DSCAM: variants seen among roughly 807,000 people sequenced by gnomAD.
DSCAM encodes DS cell adhesion molecule, also known as cell adhesion molecule DSCAM.
Under a neutral mutation model 217.7 loss-of-function variants are expected in DSCAM, and 47 were observed. That is an observed-to-expected ratio of 0.22 (90% CI 0.17 to 0.28). DSCAM has a LOEUF of 0.28. Among genes scored for constraint, DSCAM ranks in the 10% least tolerant of loss-of-function variants. The pLI is 1.00. For synonymous variants in DSCAM, 1,056 were observed against 1,015.3 expected, an observed-to-expected ratio of 1.04 and a Z score of -0.76; for missense variants, 2,080 against 2,618.3, an observed-to-expected ratio of 0.79 and a Z score of 4.49.
chr21:40,156,270 T>A (rs2090475259), intron 16 of DSCAM, among the ~76,000 whole-genome samples: 1 of 124,600 alleles, frequency 8.0e-6, no homozygotes. Flanking sequence ...GTGGAAGCTG[T>A]GACAGTCAAA....
At chr21:40,293,899 G>C (rs1555900229) in intron 10 of DSCAM, among the ~76,000 whole-genome samples, 3 of 152,146 alleles carry the variant, frequency 2.0e-5, no homozygotes, top group Non-Finnish European at 4.4e-5. Flanking sequence ...GTTGACTGAA[G>C]AAAGATTATA....
In DSCAM at chr21:40,446,242, T is replaced by C. The variant is rs149017458; in HGVS notation, c.509-76997A>G. On this transcript the variant is annotated intron_variant, in intron 3 of 32. Coordinates refer to ENST00000400454, the MANE Select transcript of DSCAM (RefSeq NM_001389.5). ...GTGTTCCTGAAAGATTATTACATAG[T>C]CCAAATAATGGATACTGATGGTCAT... Among the ~76,000 whole-genome samples the C allele has an allele frequency of 2.3e-3, 354 of 152,302 alleles. 2 individuals carry two copies. Among genetic ancestry groups the C allele is most frequent in the African/African-American group, 8.2e-3 (342 of 41,558 alleles).
intron 1 of DSCAM, among the ~76,000 whole-genome samples, chr21:40,769,744 T>C (rs2091428232): frequency 6.6e-6 from 1 of 152,180 alleles, no homozygotes; most frequent in South Asian, 2.1e-4. Context: ...TCCTGCTTAG[T>C]TTGGCTATCC....
chr21:40,544,225 C>G (rs1294349764), intron 3 of DSCAM, among the ~76,000 whole-genome samples: 1 of 152,118 alleles, frequency 6.6e-6, no homozygotes, highest in East Asian at 1.9e-4. Context: ...CGGAGTAGAA[C>G]AGGAATTATG....
chr21:40,322,681 C>T (rs948224278), intron 8 of DSCAM, among the ~76,000 whole-genome samples: 13 of 152,162 alleles, frequency 8.5e-5, no homozygotes, highest in Admixed American at 8.5e-4. Flanking sequence ...CCCGCCATTA[C>T]ACCTGGCTAA....
intron 11 of DSCAM, among the ~76,000 whole-genome samples, chr21:40,257,031 T>C (rs1038397608): frequency 2.0e-5 from 3 of 152,230 alleles, no homozygotes; most frequent in African/African-American, 4.8e-5. Context: ...ACTTTACTAC[T>C]ATGATGTGAA....
At chr21:40,327,995 G>A (rs1289326804) in intron 8 of DSCAM, among the ~76,000 whole-genome samples, 2 of 152,068 alleles carry the variant, frequency 1.3e-5, no homozygotes, top group Non-Finnish European at 2.9e-5. Flanking sequence ...AGTTGAGAAA[G>A]ACAGAAATAA....
Position 40,012,673 on chromosome 21 carries a change from C to T in DSCAM, c.*361G>A. ...TTTAAATTCACAAATAGGCTGATTT[C>T]CCACCCACCCTGTTTTCTTTCTTGC... On this transcript the variant is annotated 3_prime_UTR_variant, in exon 33 of 33. Coordinates refer to ENST00000400454, the MANE Select transcript of DSCAM (RefSeq NM_001389.5). The T allele has an allele frequency of 6.3e-6, 1 of 158,570 alleles. No individual in the cohort carries two copies. The highest frequency in any genetic ancestry group is 1.4e-5 in the Non-Finnish European group (1 of 72,398). The allele number at this position is 158,570 out of a possible 1,614,324, so 9.8% of individuals were successfully genotyped here. A position where few individuals can be genotyped will look rare whatever the true frequency, so the allele number is the denominator to read the frequency against.
rs1020265225 is a variant in DSCAM, at chr21:40,261,587, G to A, written c.2356+14510C>T. ...TGGAATTACACATTGGCTTTCCTGG[G>A]ACTTCTTAGCATCCATAATCATGTG... On this transcript the variant is annotated intron_variant, in intron 11 of 32. Transcript: ENST00000400454. 3.7e-4 allele frequency among the ~76,000 whole-genome samples: 56 copies of A among 151,422 alleles called. 1 individual carries two copies. The highest frequency in any genetic ancestry group is 1.2e-3 in the African/African-American group (50 of 41,094).
intron 3 of DSCAM, among the ~76,000 whole-genome samples, chr21:40,472,418 T>G (rs1041923167): frequency 1.8e-4 from 28 of 152,224 alleles, no homozygotes; most frequent in African/African-American, 6.8e-4. Flanking sequence ...AGAAAACTTT[T>G]AGGAAATAAT....
chr21:40,625,321 G>A lies in DSCAM; in HGVS notation c.508+67489C>T, dbSNP rs943504639. Reference sequence around the variant, plus strand: ...TAAGAGAAAAACATTATACAAAGATGCATTATAATGTATAATACAGTAATA... The same window carrying A: ...TAAGAGAAAAACATTATACAAAGATACATTATAATGTATAATACAGTAATA... On this transcript the variant is annotated intron_variant, in intron 3 of 32. Transcript: ENST00000400454. Among the ~76,000 whole-genome samples, 36 of 152,212 alleles carry A rather than the reference G, an allele frequency of 2.4e-4. 1 individual carries two copies. Among genetic ancestry groups the A allele is most frequent in the African/African-American group, 7.5e-4 (31 of 41,518 alleles).
At chr21:40,834,870 G>A (rs1271119461) in intron 1 of DSCAM, among the ~76,000 whole-genome samples, 3 of 152,200 alleles carry the variant, frequency 2.0e-5, no homozygotes, top group Admixed American at 6.5e-5. Context: ...TCTAAAGAGG[G>A]AGAGAGAAAG....
At chr21:40,165,381 CATT>C (rs2090583499) in intron 16 of DSCAM, among the ~76,000 whole-genome samples, 1 of 152,242 alleles carries the variant, frequency 6.6e-6, no homozygotes, top group African/African-American at 2.4e-5. Context: ...GCCCCAACCT[CATT>C]AGTCAGTTAG....
chr21:40,484,896 T>C (rs1277872895), intron 3 of DSCAM, among the ~76,000 whole-genome samples: 2 of 152,186 alleles, frequency 1.3e-5, no homozygotes, highest in Non-Finnish European at 1.5e-5. Flanking sequence ...GCAGAGAATG[T>C]TTTGGTGACG....
chr21:40,433,715 C>G (rs1386667850), intron 3 of DSCAM, among the ~76,000 whole-genome samples: 1 of 152,014 alleles, frequency 6.6e-6, no homozygotes, highest in East Asian at 1.9e-4. Context: ...GTGGATGTCA[C>G]CTGAGGTAGA....
intron 1 of DSCAM, among the ~76,000 whole-genome samples, chr21:40,742,332 T>G (rs943030015): frequency 1.3e-5 from 2 of 152,200 alleles, no homozygotes; most frequent in Non-Finnish European, 2.9e-5. Flanking sequence ...TTTTTGTATG[T>G]TGATTTTTGT....
intron 11 of DSCAM, among the ~76,000 whole-genome samples, chr21:40,248,767 C>T (rs151259059): frequency 1.3e-5 from 2 of 152,206 alleles, no homozygotes; most frequent in East Asian, 3.9e-4. Context: ...CTACAGGTAC[C>T]AATTTACTGT....
At chr21:40,662,124 AAACAAACAAAC>A (rs1276633017) in intron 3 of DSCAM, among the ~76,000 whole-genome samples, 1 of 151,442 alleles carries the variant, frequency 6.6e-6, no homozygotes, top group Non-Finnish European at 1.5e-5. Context: ...TACGTTGTTA[AAACAAACAAAC>A]AAACAAACAA....
Position 40,620,152 on chromosome 21 carries a change from AAAAG to A in DSCAM, c.508+72654_508+72657del, listed in dbSNP as rs1355953849. ...GAGAGAGAAAGAGAGAGAAAAAAGA[AAAAG>A]AAAGAAAGAGAGAGAGAAAGAGAGA... On this transcript the variant is annotated intron_variant, in intron 3 of 32. Coordinates refer to ENST00000400454, the MANE Select transcript of DSCAM (RefSeq NM_001389.5). 5.9e-4 allele frequency among the ~76,000 whole-genome samples: 76 copies of A among 129,096 alleles called. 12 individuals are homozygous for A. The highest frequency in any genetic ancestry group is 8.0e-4 in the Non-Finnish European group (50 of 62,540). The allele number at this position is 129,096 out of a possible 152,430, so 84.7% of individuals were successfully genotyped here. A position where few individuals can be genotyped will look rare whatever the true frequency, so the allele number is the denominator to read the frequency against.
Sources: gnomAD v4.1 joint callset for allele counts (sites outside exome capture counted in the v4.1 genomes callset) on GRCh38, gnomAD v4.1.1 for gene constraint, MANE v1.5 for transcripts, NCBI Gene and HGNC (gene_info 2026-07-23, HGNC 2026-07-21) for gene names.